ZMYM4: variants seen among roughly 807,000 people sequenced by gnomAD.
The protein encoded by ZMYM4 is zinc finger MYM-type protein 4.
ZMYM4 carries 31 observed loss-of-function variants against 183.2 expected under a neutral mutation model. The observed-to-expected ratio is 0.17, with a 90% confidence interval of 0.13 to 0.23. The LOEUF (loss-of-function observed/expected upper bound fraction) is 0.23. Ranked by LOEUF, ZMYM4 falls within the 10% of genes least tolerant of loss-of-function variation. ZMYM4 has a pLI of 1.00. For synonymous variants in ZMYM4, 592 were observed against 631.2 expected (o/e 0.94, Z 0.93); for missense variants, 1,273 against 1,840.3 (o/e 0.69, Z 5.64).
At chr1:35,274,939 C>G (rs975008750) in intron 1 of ZMYM4, among the ~76,000 whole-genome samples, 1 of 151,986 alleles carries the variant, frequency 6.6e-6, no homozygotes, top group African/African-American at 2.4e-5. Flanking sequence ...TTTGTTTATC[C>G]AGAAATATTA....
chr1:35,408,120 T>C lies in ZMYM4; in HGVS notation c.3909T>C (p.Asp1303=). Reference sequence around the variant, plus strand: ...GGAGACCAAATGGTGAAAAATATGATCCAGACAGTATCTTATACTTGTGCC... The same window carrying C: ...GGAGACCAAATGGTGAAAAATATGACCCAGACAGTATCTTATACTTGTGCC... ...EVRRPNGEKY[D]PDSILYLCLG... Residue 1303 remains aspartate, a synonymous_variant, in exon 26 of 30, where the codon GAT becomes GAC. Transcript: ENST00000314607. 1 of 1,614,180 alleles carries C rather than the reference T, an allele frequency of 6.2e-7. No individual in the cohort carries two copies. Among genetic ancestry groups the C allele is most frequent in the Non-Finnish European group, 8.5e-7 (1 of 1,180,030 alleles).
At chr1:35,281,594 A>G (rs1474431157) in intron 1 of ZMYM4, among the ~76,000 whole-genome samples, 2 of 151,880 alleles carry the variant, frequency 1.3e-5, no homozygotes, top group South Asian at 2.1e-4. Flanking sequence ...CGTGTGTATC[A>G]AAACACCACT....
At chr1:35,345,418 A>G (rs1643354333) in intron 2 of ZMYM4, among the ~76,000 whole-genome samples, 1 of 149,856 alleles carries the variant, frequency 6.7e-6, no homozygotes, top group Non-Finnish European at 1.5e-5. Context: ...TTCATTCCTG[A>G]TATTGGTAAT....
In ZMYM4 at chr1:35,386,983, T is replaced by C; in HGVS notation, c.1837-20T>C. 7 of 1,607,210 alleles carry C rather than the reference T, an allele frequency of 4.4e-6. No individual in the cohort carries two copies. The highest frequency in any genetic ancestry group is 6.0e-6 in the Non-Finnish European group (7 of 1,175,586). On this transcript the variant is annotated intron_variant, in intron 11 of 29. Coordinates refer to ENST00000314607, the MANE Select transcript of ZMYM4 (RefSeq NM_005095.3). ...TTAACAAAGATTAAATTGATACTTT[T>C]TGTTGTTTTGTTTTTCCAGAATTTA... is the stretch of plus-strand genomic sequence containing the variant.
intron 5 of ZMYM4, among the ~76,000 whole-genome samples, chr1:35,366,370 G>T (rs904441203): frequency 6.6e-6 from 1 of 152,126 alleles, no homozygotes; most frequent in Non-Finnish European, 1.5e-5. Context: ...ATTACTAAAA[G>T]AATACAAGTT....
intron 2 of ZMYM4, among the ~76,000 whole-genome samples, chr1:35,344,600 T>A (rs998157025): frequency 1.3e-5 from 2 of 152,182 alleles, no homozygotes. Context: ...TAGATGATCA[T>A]GTTATTTTTT....
rs1640267025 is a variant in ZMYM4, at chr1:35,419,849, G to A, written c.*172G>A. On this transcript the variant is annotated 3_prime_UTR_variant, in exon 30 of 30. Coordinates refer to ENST00000314607, the MANE Select transcript of ZMYM4 (RefSeq NM_005095.3). ...GTGGATGTGCAAATGAAAATTGAAG[G>A]AAAGAATATGAACTGAGAAATGTTC... is the stretch of plus-strand genomic sequence containing the variant. 1.6e-6 allele frequency: 1 copy of A among 637,614 alleles called. No individual in the cohort carries two copies. Among genetic ancestry groups the A allele is most frequent in the South Asian group, 2.0e-5 (1 of 50,820 alleles). The allele number at this position is 637,614 out of a possible 1,614,324, so 39.5% of individuals were successfully genotyped here. A position where few individuals can be genotyped will look rare whatever the true frequency, so the allele number is the denominator to read the frequency against.
At chr1:35,409,775 A>G (rs145467549) in intron 26 of ZMYM4, among the ~76,000 whole-genome samples, 2,693 of 152,116 alleles carry the variant, frequency 0.018, 75 homozygotes, top group African/African-American at 0.061. Flanking sequence ...CCCTGTCTCT[A>G]CTAAGAATAC....
intron 2 of ZMYM4, among the ~76,000 whole-genome samples, chr1:35,337,898 A>G (rs1643042783): frequency 6.6e-6 from 1 of 152,164 alleles, no homozygotes; most frequent in Non-Finnish European, 1.5e-5. Flanking sequence ...AGGATTGCAC[A>G]ACTGCACTCC....
chr1:35,295,709 T>G (rs1177404204), intron 1 of ZMYM4, among the ~76,000 whole-genome samples: 1 of 152,254 alleles, frequency 6.6e-6, no homozygotes, highest in East Asian at 1.9e-4. Flanking sequence ...TGGAGGAAGA[T>G]TTATGGTATA....
chr1:35,286,843 T>C (rs1178914012), intron 1 of ZMYM4, among the ~76,000 whole-genome samples: 1 of 124,158 alleles, frequency 8.1e-6, no homozygotes, highest in Non-Finnish European at 1.6e-5. Flanking sequence ...TTGTCCAGGC[T>C]GGTCTTGAAC....
At chr1:35,325,527 T>A in intron 2 of ZMYM4, 122 bp downstream of exon 2, 1 of 895,116 alleles carries the variant, frequency 1.1e-6, no homozygotes, top group Non-Finnish European at 1.7e-6. Flanking sequence ...TTCAATCTGA[T>A]TTAGTCTAGA....
intron 1 of ZMYM4, among the ~76,000 whole-genome samples, chr1:35,272,834 G>A (rs1256906388): frequency 1.3e-5 from 2 of 151,998 alleles, no homozygotes; most frequent in Non-Finnish European, 2.9e-5. Context: ...TCAGCCTCCC[G>A]AGTAGCTGGG....
In ZMYM4 at chr1:35,370,383, A is replaced by G. The variant is rs143071533; in HGVS notation, c.937A>G (p.Thr313Ala). 359 of 1,278,778 alleles carry G rather than the reference A, an allele frequency of 2.8e-4. No homozygotes were observed. The highest frequency in any genetic ancestry group is 1.8e-4 in the Non-Finnish European group (177 of 969,666). The allele number at this position is 1,278,778 out of a possible 1,614,324, so 79.2% of individuals were successfully genotyped here. A position where few individuals can be genotyped will look rare whatever the true frequency, so the allele number is the denominator to read the frequency against. ...VSGSPLAPQLTTGFQPSLASS... is the reference protein window; with the variant it reads ...VSGSPLAPQLATGFQPSLASS... Reference sequence around the variant, plus strand: ...TTTTTTTTTTAAAGCTCCACAGTTGACTACTGGCTTTCAGCCCTCACTGGC... The same window carrying G: ...TTTTTTTTTTAAAGCTCCACAGTTGGCTACTGGCTTTCAGCCCTCACTGGC... The change falls in exon 7 of 30, where the codon ACT (threonine) becomes GCT (alanine). Residue 313 changes from threonine (T) to alanine (A), a missense_variant. Thr to Ala is a moderately conservative substitution (Grantham distance 58). Around this residue, in one of 6 missense-constraint regions of ZMYM4, gnomAD observed 384 missense variants for 465.6 expected, o/e 0.82. Transcript: ENST00000314607.
intron 2 of ZMYM4, among the ~76,000 whole-genome samples, chr1:35,342,665 C>A (rs1361472803): frequency 4.0e-5 from 6 of 151,086 alleles, no homozygotes; most frequent in African/African-American, 1.5e-4. Context: ...TGTAAGGATC[C>A]TTTTTGTTGT....
chr1:35,347,107 G>A (rs1383367526), intron 2 of ZMYM4, among the ~76,000 whole-genome samples: 1 of 152,196 alleles, frequency 6.6e-6, no homozygotes, highest in Non-Finnish European at 1.5e-5. Context: ...CCGGGTTCAA[G>A]CAGTTCTCCT....
At chr1:35,369,311 G>A (rs559781128) in intron 5 of ZMYM4, among the ~76,000 whole-genome samples, 6 of 152,240 alleles carry the variant, frequency 3.9e-5, no homozygotes, top group South Asian at 4.1e-4. Flanking sequence ...TTATATGGTG[G>A]TTACTCATGA....
intron 2 of ZMYM4, among the ~76,000 whole-genome samples, chr1:35,352,816 G>C (rs531803989): frequency 6.6e-6 from 1 of 152,112 alleles, no homozygotes; most frequent in Non-Finnish European, 1.5e-5. Flanking sequence ...AGGACTCTCA[G>C]CTGTCTTCCA....
At chr1:35,293,026 G>T (rs1363787016) in intron 1 of ZMYM4, among the ~76,000 whole-genome samples, 6 of 149,636 alleles carry the variant, frequency 4.0e-5, no homozygotes, top group Admixed American at 2.0e-4. Context: ...TTTGAGACAG[G>T]TTCCTGCTCT....
Sources: gnomAD v4.1 joint callset for allele counts (sites outside exome capture counted in the v4.1 genomes callset) on GRCh38, gnomAD v4.1.1 for gene constraint, gnomAD v4.1.1 regional missense constraint, MANE v1.5 for transcripts, NCBI Gene and HGNC (gene_info 2026-07-23, HGNC 2026-07-21) for gene names.